XRCC3: variants seen among roughly 807,000 people sequenced by gnomAD.
XRCC3 encodes X-ray repair cross complementing 3.
XRCC3 carries 34 observed loss-of-function variants against 29.2 expected under a neutral mutation model. The observed-to-expected ratio is 1.16, with a 90% confidence interval of 0.88 to 1.55. The LOEUF is 1.55. Among genes scored for constraint, XRCC3 ranks in the 40% most tolerant of loss-of-function variants. The pLI, the probability that XRCC3 is intolerant of heterozygous loss-of-function variation, is 0.00. For missense variants in XRCC3, 463 were observed against 467.6 expected (o/e 0.99, Z 0.09); for synonymous variants, 223 against 211.3 (o/e 1.06, Z -0.48).
chr14:103,702,874 C>T lies in XRCC3; in HGVS notation c.561+299G>A, dbSNP rs958438532. ...GTATCCAGTCGCCCTCAGTAGCTGA[C>T]TGGTCCATCCTCCACAGTCCCCAGA... On this transcript the variant is annotated intron_variant, in intron 7 of 9. Transcript: ENST00000555055. The T allele has an allele frequency of 9.1e-6, 4 of 438,442 alleles. No individual in the cohort carries two copies. The East Asian group carries it at 1.8e-4, about 20-fold the overall frequency. 27.2% of individuals were successfully genotyped at this position (438,442 alleles called of 1,614,324 possible).
intron 1 of XRCC3, 79 bp from the exon 2 acceptor site, chr14:103,713,010 C>A (rs34100926): frequency 1.3e-5 from 2 of 152,510 alleles, no homozygotes; most frequent in South Asian, 4.1e-4. Flanking sequence ...TCACCCTTGA[C>A]AGCTGATTAG....
intron 6 of XRCC3, chr14:103,706,470 C>A (rs861531): frequency 0.32 from 142,312 of 448,854 alleles, 24,337 homozygotes; most frequent in Middle Eastern, 0.39. Flanking sequence ...CATCTCTCCT[C>A]CTCACAGCTC....
At chr14:103,699,338 G>A in intron 8 of XRCC3, 26 bp downstream of exon 8, 1 of 1,577,716 alleles carries the variant, frequency 6.3e-7, no homozygotes, top group Non-Finnish European at 8.6e-7. Flanking sequence ...ACGAGCTCAG[G>A]GGTGCAACCC....
At chr14:103,710,771 G>T in intron 4 of XRCC3, 2 of 479,168 alleles carry the variant, frequency 4.2e-6, no homozygotes, top group African/African-American at 2.0e-5. Flanking sequence ...GACTTTATGT[G>T]GCTCCATTTT....
chr14:103,699,107 T>C (rs2082857468), intron 9 of XRCC3, 26 bp downstream of exon 9: 4 of 1,569,798 alleles, frequency 2.5e-6, no homozygotes, highest in East Asian at 4.7e-5. Context: ...TGCACAGAGG[T>C]GCACACACCA....
intron 7 of XRCC3, 47 bp from the exon 8 acceptor site, chr14:103,699,623 C>T (rs771046939): frequency 1.3e-6 from 2 of 1,595,164 alleles, no homozygotes; most frequent in African/African-American, 1.3e-5. Context: ...AAGTCCCCGC[C>T]CCAGGTGACC....
intron 4 of XRCC3, 175 bp from the exon 5 acceptor site, chr14:103,708,834 C>G: frequency 1.2e-6 from 1 of 800,188 alleles, no homozygotes; most frequent in Non-Finnish European, 2.0e-6. Context: ...CACAGTGTGG[C>G]CGATGCACAG....
intron 7 of XRCC3, chr14:103,700,850 G>A: frequency 2.4e-6 from 2 of 818,644 alleles, no homozygotes; most frequent in South Asian, 1.9e-5. Context: ...TGCCAGGCTG[G>A]GCCTCCAAGA....
At chr14:103,707,246 T>C in intron 5 of XRCC3, 31 bp from the exon 6 acceptor site, 2 of 1,546,862 alleles carry the variant, frequency 1.3e-6, no homozygotes. Flanking sequence ...CAGGCCTGAC[T>C]CTCCTGGGCC....
At chr14:103,701,374 T>TTGGGGC (rs1205553683) in intron 7 of XRCC3, 4 of 663,256 alleles carry the variant, frequency 6.0e-6, no homozygotes, top group East Asian at 3.0e-5. Context: ...TGGCGTGACC[T>TTGGGGC]TGGGGCTGGG....
intron 4 of XRCC3, 28 bp from the exon 5 acceptor site, chr14:103,708,687 A>C: frequency 6.2e-7 from 1 of 1,613,826 alleles, no homozygotes; most frequent in South Asian, 1.1e-5. Context: ...AATTACAGGA[A>C]AATGTCAGAC....
intron 2 of XRCC3, chr14:103,712,401 G>T (rs1353695698): frequency 6.5e-6 from 1 of 152,998 alleles, no homozygotes; most frequent in Non-Finnish European, 1.5e-5. Context: ...GCTGGCCAGA[G>T]TGAGGAAGTG....
intron 2 of XRCC3, chr14:103,711,774 T>C (rs1417211795): frequency 2.2e-6 from 1 of 451,934 alleles, no homozygotes; most frequent in Non-Finnish European, 4.4e-6. Flanking sequence ...TCAGCTCTTC[T>C]CCCCTCCGGC....
chr14:103,708,033 G>A (rs2083498082), intron 5 of XRCC3: 2 of 244,476 alleles, frequency 8.2e-6, no homozygotes, highest in African/African-American at 2.2e-5. Context: ...AGAGGGCCCT[G>A]CTCATGCCAG....
intron 6 of XRCC3, chr14:103,703,609 C>T: frequency 2.1e-6 from 1 of 472,648 alleles, no homozygotes; most frequent in Non-Finnish European, 3.9e-6. Context: ...GGAATGGCCA[C>T]AGATGGGAGG....
rs755779950 is a variant in XRCC3, at chr14:103,703,257, C to T, written c.477G>A (p.Pro159=). Residue 159 remains proline, a synonymous_variant, in exon 7 of 10, where the codon CCG becomes CCA. Transcript: ENST00000555055. ...KRLQQLMAQQ[P]RLRTDVPGEL... is the part of the protein sequence containing the mutation. Reference sequence around the variant, plus strand: ...CTCCTGGAACGTCAGTGCGCAGCCGCGGCTGCTGGGCCATGAGCTGCTGCA... The same window carrying T: ...CTCCTGGAACGTCAGTGCGCAGCCGTGGCTGCTGGGCCATGAGCTGCTGCA... The T allele has an allele frequency of 3.6e-5, 56 of 1,561,334 alleles. No homozygotes were observed. The highest frequency in any genetic ancestry group is 4.7e-5 in the Non-Finnish European group (54 of 1,154,236).
rs1453837185 is a variant in XRCC3, at chr14:103,703,165, A to G, written c.561+8T>C. 1 of 1,565,484 alleles carries G rather than the reference A, an allele frequency of 6.4e-7. No homozygotes were observed. The highest frequency in any genetic ancestry group is 1.7e-4 in the Middle Eastern group (1 of 6,020). Reference sequence around the variant, plus strand: ...TTGGGGGTGTCATGGGGCTTCTCCCACACTCACCACATCGGCCACGTGCTC... The same window carrying G: ...TTGGGGGTGTCATGGGGCTTCTCCCGCACTCACCACATCGGCCACGTGCTC... On this transcript the variant is annotated splice_region_variant and intron_variant, in intron 7 of 9. Coordinates refer to ENST00000555055, the MANE Select transcript of XRCC3 (RefSeq NM_005432.4).
At chr14:103,707,633 C>G (rs934846156) in intron 5 of XRCC3, 8 of 310,938 alleles carry the variant, frequency 2.6e-5, no homozygotes, top group Non-Finnish European at 5.0e-5. Flanking sequence ...GGCGCGCACA[C>G]ATGCACACCA....
Position 103,698,654 on chromosome 14 carries a change from T to C in XRCC3, c.*144A>G. 1.3e-6 allele frequency: 1 copy of C among 745,506 alleles called. No individual in the cohort carries two copies. The highest frequency in any genetic ancestry group is 2.3e-6 in the Non-Finnish European group (1 of 438,992). The allele number at this position is 745,506 out of a possible 1,614,324, so 46.2% of individuals were successfully genotyped here. ...TCAGTCTGTGGCCACCATCTTCGGA[T>C]GAGAAAGTGGAGCCGCTGCCCTGGA... On this transcript the variant is annotated 3_prime_UTR_variant, in exon 10 of 10. Coordinates refer to ENST00000555055, the MANE Select transcript of XRCC3 (RefSeq NM_005432.4).
Sources: gnomAD v4.1 joint callset for allele counts on GRCh38, gnomAD v4.1.1 for gene constraint, MANE v1.5 for transcripts, NCBI Gene and HGNC (gene_info 2026-07-23, HGNC 2026-07-21) for gene names.